The following SH2D4B variants were observed in gnomAD, a reference collection of about 807,000 sequenced individuals.
SH2D4B encodes the protein SH2 domain-containing protein 4B.
In SH2D4B, 45 loss-of-function variants were observed where a neutral mutation model predicts 61.5. The observed-to-expected ratio is 0.73, with a 90% CI of 0.58 to 0.94. The LOEUF is 0.94. Ranked by LOEUF, SH2D4B falls within the 40% of genes least tolerant of loss-of-function variation. The pLI is 0.00. For synonymous variants in SH2D4B, 224 were observed against 220.4 expected (o/e 1.02, Z -0.14); for missense variants, 572 against 574.2 (o/e 1.00, Z 0.04).
At chr10:80,582,732 T>G (rs1223369365) in intron 3 of SH2D4B, among the ~76,000 whole-genome samples, 2 of 152,160 alleles carry the variant, frequency 1.3e-5, no homozygotes, top group East Asian at 3.9e-4. Context: ...GAGGGGAGAC[T>G]TGAGGAAATT....
At chr10:80,556,151 C>T (rs1171843407) in intron 1 of SH2D4B, among the ~76,000 whole-genome samples, 1 of 151,046 alleles carries the variant, frequency 6.6e-6, no homozygotes, top group African/African-American at 2.4e-5. Context: ...TTTTTTTGCA[C>T]ATGAATGTCT....
chr10:80,542,657 A>G (rs918629200), intron 1 of SH2D4B, among the ~76,000 whole-genome samples: 2 of 151,764 alleles, frequency 1.3e-5, no homozygotes, highest in Non-Finnish European at 2.9e-5. Flanking sequence ...CGGCCTCCCA[A>G]AATGCTGGGA....
At chr10:80,574,168 A>G (rs1056813319) in intron 3 of SH2D4B, among the ~76,000 whole-genome samples, 27 of 152,180 alleles carry the variant, frequency 1.8e-4, no homozygotes, top group African/African-American at 6.5e-4. Flanking sequence ...ATAGGGTCTC[A>G]CTCTGTTGCC....
At chr10:80,575,602 A>G (rs1842115421) in intron 3 of SH2D4B, among the ~76,000 whole-genome samples, 1 of 152,156 alleles carries the variant, frequency 6.6e-6, no homozygotes, top group African/African-American at 2.4e-5. Context: ...AAACATGGTG[A>G]AACTACTAAC....
chr10:80,603,314 A>G (rs962071251), intron 4 of SH2D4B, among the ~76,000 whole-genome samples: 1 of 152,158 alleles, frequency 6.6e-6, no homozygotes, highest in African/African-American at 2.4e-5. Flanking sequence ...CCGTCAGGGT[A>G]TCTTTACCTC....
chr10:80,636,069 A>C (rs558242114), intron 7 of SH2D4B, among the ~76,000 whole-genome samples: 182 of 152,144 alleles, frequency 1.2e-3, no homozygotes, highest in African/African-American at 4.2e-3. Flanking sequence ...TGTCCTTGTG[A>C]TAGTTTGCGA....
chr10:80,587,130 GTT>G (rs1186883717), intron 3 of SH2D4B, among the ~76,000 whole-genome samples: 18 of 67,240 alleles, frequency 2.7e-4, no homozygotes, highest in South Asian at 4.9e-4. Context: ...TTCCGGCCAC[GTT>G]TTTTTTTTTT....
intron 4 of SH2D4B, among the ~76,000 whole-genome samples, chr10:80,595,808 G>C (rs915136388): frequency 6.6e-6 from 1 of 152,220 alleles, no homozygotes; most frequent in Admixed American, 6.5e-5. Flanking sequence ...AGCGTGTTCA[G>C]GGAGTAGTCC....
At chr10:80,593,542 A>G (rs563350078) in intron 4 of SH2D4B, among the ~76,000 whole-genome samples, 2 of 152,192 alleles carry the variant, frequency 1.3e-5, no homozygotes, top group South Asian at 4.1e-4. Flanking sequence ...TTGTATATTG[A>G]TCTTGTATCC....
chr10:80,542,080 G>A (rs184114768), intron 1 of SH2D4B, among the ~76,000 whole-genome samples: 3 of 152,228 alleles, frequency 2.0e-5, no homozygotes, highest in Admixed American at 2.0e-4. Context: ...AAAGTTCGTT[G>A]TCCAGTATAT....
intron 6 of SH2D4B, among the ~76,000 whole-genome samples, chr10:80,628,748 C>T (rs768730021): frequency 7.9e-5 from 12 of 152,100 alleles, no homozygotes; most frequent in Non-Finnish European, 1.3e-4. Flanking sequence ...AAATACCTGG[C>T]CAGGCGTGGT....
intron 6 of SH2D4B, among the ~76,000 whole-genome samples, chr10:80,621,313 C>A (rs1253511949): frequency 6.6e-6 from 1 of 152,210 alleles, no homozygotes; most frequent in African/African-American, 2.4e-5. Flanking sequence ...TGAGAAACTA[C>A]GTCTATATTT....
intron 1 of SH2D4B, among the ~76,000 whole-genome samples, chr10:80,544,626 C>G (rs544513608): frequency 1.1e-4 from 17 of 152,252 alleles, no homozygotes; most frequent in Non-Finnish European, 1.5e-4. Context: ...ATGTCCTGAC[C>G]TTGCATGCCA....
chr10:80,555,878 T>C (rs1184403618), intron 1 of SH2D4B, among the ~76,000 whole-genome samples: 1 of 152,170 alleles, frequency 6.6e-6, no homozygotes, highest in Non-Finnish European at 1.5e-5. Context: ...TCGTGCCATA[T>C]TAGTGCAGAG....
rs59848195 is a variant in SH2D4B, at chr10:80,612,198, T to TTTTC, written c.988+2647_988+2648insTTTC. ...CCACTCCTGCTTTTTTTTTTTTTTT[T>TTTTC]CAACTTTACTCACTTATAAAATCCC... On this transcript the variant is annotated intron_variant, in intron 6 of 7. Transcript: ENST00000646907. Among the ~76,000 whole-genome samples, 48 of 125,226 alleles carry TTTTC rather than the reference T, an allele frequency of 3.8e-4. 1 individual carries two copies. In the East Asian group the frequency reaches 0.01, roughly 26 times the overall value. The allele number at this position is 125,226 out of a possible 152,430, so 82.2% of individuals were successfully genotyped here.
Position 80,643,975 on chromosome 10 carries a change from CT to C in SH2D4B, c.1210-10del, listed in dbSNP as rs779056939. 6.9e-6 allele frequency: 11 copies of C among 1,602,304 alleles called. No individual in the cohort carries two copies. Among genetic ancestry groups the C allele is most frequent in the South Asian group, 2.2e-5 (2 of 90,518 alleles). On this transcript the variant is annotated splice_polypyrimidine_tract_variant and intron_variant, in intron 7 of 7. Coordinates refer to ENST00000646907, the MANE Select transcript of SH2D4B (RefSeq NM_001388272.1). ...CTGTCTTGATTATAAGTGGATTTTC[CT>C]TTTTTTTCTGTTTTAGGAGGAAATT... is the stretch of plus-strand genomic sequence containing the variant.
At chr10:80,544,164 C>T (rs1044851204) in intron 1 of SH2D4B, among the ~76,000 whole-genome samples, 12 of 152,126 alleles carry the variant, frequency 7.9e-5, no homozygotes, top group African/African-American at 2.4e-4. Context: ...ACAGTCACTG[C>T]GAAGGTCTGC....
rs528988703 is a variant in SH2D4B, at chr10:80,538,708, C to T, written c.184+193C>T. ...CCTTTTGGCCAGGACCTTAGGGCTT[C>T]GAGGCTGCTGCAGAGGCTGTCCAGC... is the stretch of plus-strand genomic sequence containing the variant. On this transcript the variant is annotated intron_variant, in intron 1 of 7. Transcript: ENST00000646907. The surrounding 1 kb of genome is among the most constrained non-coding windows in gnomAD (Gnocchi z 4.8). Among the ~76,000 whole-genome samples, 4 of 152,290 alleles carry T rather than the reference C, an allele frequency of 2.6e-5. No individual in the cohort carries two copies. The highest frequency in any genetic ancestry group is 6.5e-5 in the Admixed American group (1 of 15,304).
In SH2D4B at chr10:80,619,979, A is replaced by C. The variant is rs946045264; in HGVS notation, c.988+10428A>C. Among the ~76,000 whole-genome samples, 27 of 152,292 alleles carry C rather than the reference A, an allele frequency of 1.8e-4. No individual in the cohort carries two copies. The South Asian group carries it at 4.8e-3, about 27-fold the overall frequency. On this transcript the variant is annotated intron_variant, in intron 6 of 7. Transcript: ENST00000646907. ...GCTTCTTGAACTGTGGTCAGCCTTA[A>C]AATTGGTTAGGACTTGGAAATGATA...
Sources: allele counts gnomAD v4.1 joint callset (sites outside exome capture counted in the v4.1 genomes callset), GRCh38; gene constraint gnomAD v4.1.1; non-coding constraint Gnocchi (gnomAD v3.1); transcripts MANE v1.5; gene names NCBI Gene and HGNC (gene_info 2026-07-23, HGNC 2026-07-21).